Variants in BRF1 observed in about 807,000 individuals in gnomAD.
The protein encoded by BRF1 is transcription factor IIIB 90 kDa subunit.
BRF1 carries 59 observed loss-of-function variants against 81.7 expected under a neutral mutation model. The observed-to-expected ratio is 0.72, with a 90% CI of 0.59 to 0.90. The LOEUF is 0.90. Ranked by LOEUF, BRF1 falls within the 40% of genes least tolerant of loss-of-function variation. The pLI is 0.00. For missense variants in BRF1, 1,050 were observed against 936.3 expected (o/e 1.12, Z -1.58); for synonymous variants, 491 against 395.6 (o/e 1.24, Z -2.86).
chr14:105,277,848 G>A (rs970634691), intron 2 of BRF1, among the ~76,000 whole-genome samples: 4 of 152,088 alleles, frequency 2.6e-5, no homozygotes, highest in African/African-American at 7.2e-5. Flanking sequence ...TCTGCTTCCC[G>A]GGTTCAAGTG....
intron 4 of BRF1, among the ~76,000 whole-genome samples, chr14:105,254,984 C>T (rs1566840751): frequency 6.6e-6 from 1 of 151,744 alleles, no homozygotes; most frequent in Non-Finnish European, 1.5e-5. Context: ...GCACAGCCAG[C>T]TGCCCCCCCC....
intron 5 of BRF1, chr14:105,247,015 G>C (rs1357939680): frequency 8.1e-6 from 8 of 985,316 alleles, no homozygotes; most frequent in Non-Finnish European, 9.6e-6. Flanking sequence ...TGGACATGTA[G>C]GCTGTCTCCA....
rs1218461034 is a variant in BRF1 at position 105,315,080 on chromosome 14, TG to T, written c.-162+241del. The T allele has an allele frequency of 2.8e-6, 3 of 1,087,506 alleles. No individual in the cohort carries two copies. Among genetic ancestry groups the T allele is most frequent in the Admixed American group, 4.9e-5 (1 of 20,568 alleles). 67.4% of individuals were successfully genotyped at this position (1,087,506 alleles called of 1,614,324 possible). A position where few individuals can be genotyped will look rare whatever the true frequency, so the allele number is the denominator to read the frequency against. On this transcript the variant is annotated intron_variant, in intron 1 of 17. Coordinates refer to the BRF1 transcript ENST00000327359. The surrounding 1 kb of genome is among the most constrained non-coding windows in gnomAD (Gnocchi z 4.4). ...CGCTTTGTTCCCGCCGGGCACCTGC[TG>T]GGGGTGTCCTGGCCGCGGCCTCTGC... is the stretch of plus-strand genomic sequence containing the variant.
intron 6 of BRF1, among the ~76,000 whole-genome samples, chr14:105,229,294 C>A (rs2054320761): frequency 1.3e-5 from 2 of 152,226 alleles, no homozygotes; most frequent in Admixed American, 1.3e-4. Flanking sequence ...GAGGCCACAG[C>A]TGGCAGCTGA....
rs587615294 is a variant in BRF1, at chr14:105,310,311, A to T, written c.-162+5011T>A. Among the ~76,000 whole-genome samples the T allele has an allele frequency of 2.2e-4, 33 of 151,206 alleles. No individual in the cohort carries two copies. In the South Asian group the frequency reaches 6.7e-3, roughly 31 times the overall value. On this transcript the variant is annotated intron_variant, in intron 1 of 17. Transcript: ENST00000327359. ...TTTGGGAGGTCGAGGCGGGCGGATC[A>T]TGAGGTCAGGAGATCAAGACCATCC...
chr14:105,229,723 CGCGT>C (rs2054435312), intron 6 of BRF1, among the ~76,000 whole-genome samples: 1 of 70,950 alleles, frequency 1.4e-5, no homozygotes. Flanking sequence ...CACCACTGTC[CGCGT>C]AGTCGCCCAG....
At position 105,309,776 on chromosome 14, in the gene BRF1, CTTTTTTTTTTTT is replaced by C. The variant is rs928875653; in HGVS notation, c.-162+5534_-162+5545del. 3.4e-5 allele frequency among the ~76,000 whole-genome samples: 3 copies of C among 89,212 alleles called. No homozygotes were observed. Among genetic ancestry groups the C allele is most frequent in the Admixed American group, 1.3e-4 (1 of 7,786 alleles). 58.5% of individuals were successfully genotyped at this position (89,212 alleles called of 152,430 possible). On this transcript the variant is annotated intron_variant, in intron 1 of 17. Coordinates refer to the BRF1 transcript ENST00000327359. The surrounding 1 kb of genome is among the most constrained non-coding windows in gnomAD (Gnocchi z 4.0). Reference sequence around the variant, plus strand: ...TTAAGGAGAAGGTGGTGATGTGTGTCTTTTTTTTTTTTTTTTTTTTTTTTTTTTAGACGGAGT... The same window carrying C: ...TTAAGGAGAAGGTGGTGATGTGTGTCTTTTTTTTTTTTTTTTAGACGGAGT...
At chr14:105,306,296 G>T (rs1330307741) in intron 1 of BRF1, among the ~76,000 whole-genome samples, 2 of 151,788 alleles carry the variant, frequency 1.3e-5, no homozygotes, top group Non-Finnish European at 2.9e-5. Flanking sequence ...GGTTTGTTTT[G>T]TTTTGTTTTG....
intron 3 of BRF1, among the ~76,000 whole-genome samples, chr14:105,272,264 T>C (rs957429389): frequency 6.6e-6 from 1 of 151,092 alleles, no homozygotes; most frequent in African/African-American, 2.4e-5. Context: ...CCGCTGAGGG[T>C]CGGCGGCCTC....
At chr14:105,224,352 G>A (rs999023721) in intron 10 of BRF1, among the ~76,000 whole-genome samples, 12 of 152,190 alleles carry the variant, frequency 7.9e-5, no homozygotes, top group Non-Finnish European at 1.3e-4. Context: ...CTGGGTGACA[G>A]AGTGAGCCTG....
intron 1 of BRF1, among the ~76,000 whole-genome samples, chr14:105,297,723 G>A (rs763979002): frequency 6.6e-6 from 1 of 151,934 alleles, no homozygotes; most frequent in Non-Finnish European, 1.5e-5. Context: ...ACGGCCCGGT[G>A]CAGTGGCTCA....
chr14:105,228,656 G>T (rs2054204973), intron 7 of BRF1, among the ~76,000 whole-genome samples, 164 bp downstream of exon 7: 1 of 152,138 alleles, frequency 6.6e-6, no homozygotes, highest in Admixed American at 6.6e-5. Context: ...CAGCCCACCA[G>T]CACGTCCAAG....
intron 3 of BRF1, among the ~76,000 whole-genome samples, chr14:105,266,591 G>C (rs2056428521): frequency 1.3e-5 from 2 of 152,076 alleles, no homozygotes; most frequent in Non-Finnish European, 1.5e-5. Context: ...CTGATAAAGA[G>C]TCCTATACAC....
chr14:105,214,864 G>A (rs1398205378), intron 15 of BRF1, among the ~76,000 whole-genome samples: 1 of 152,122 alleles, frequency 6.6e-6, no homozygotes, highest in East Asian at 1.9e-4. Flanking sequence ...TTTCCAAGTG[G>A]TCCAAATCCC....
chr14:105,278,841 G>A (rs952231147), intron 2 of BRF1, among the ~76,000 whole-genome samples: 2 of 152,030 alleles, frequency 1.3e-5, no homozygotes, highest in Non-Finnish European at 2.9e-5. Flanking sequence ...TCAAGAGATC[G>A]AGACCATCCT....
Position 105,241,410 on chromosome 14 carries a change from C to T in BRF1, c.549G>A (p.Pro183=), listed in dbSNP as rs144658695. 3.8e-3 allele frequency: 6,046 copies of T among 1,611,592 alleles called. 29 individuals carry two copies. The highest frequency in any genetic ancestry group is 5.5e-3 in the South Asian group (501 of 91,092). The part of the protein sequence containing the change: ...ELCINAPAID[P]CLYIPRFAHL... ...GCGCAAAGCGTGGAATATACAGGCA[C>T]GGGTCTGCGGCAGACACAGCACCTC... Residue 183 remains proline (P), a synonymous_variant, in exon 6 of 18, where the codon CCG becomes CCA. Transcript: ENST00000547530.
At chr14:105,290,785 T>C (rs2057478321) in intron 1 of BRF1, among the ~76,000 whole-genome samples, 1 of 151,848 alleles carries the variant, frequency 6.6e-6, no homozygotes, top group Non-Finnish European at 1.5e-5. Context: ...CTGTTTCCTG[T>C]CCCTGTGTTG....
rs1368605129 is a variant in BRF1, at chr14:105,217,617, C to T, written c.1699G>A (p.Ala567Thr). ...GTCCTCCTTCGTGACAGCTTCCTGGCACTGGCGCTATGCTCGGGCTGTGCA... is the reference window on the plus strand; with the variant it reads ...GTCCTCCTTCGTGACAGCTTCCTGGTACTGGCGCTATGCTCGGGCTGTGCA... ...EDAQPEHSAS[A>T]RKLSRRRTPA... Residue 567 changes from alanine (A) to threonine (T), a missense_variant, in exon 15 of 18, where the codon GCC becomes ACC. By Grantham distance (58) the Ala-to-Thr change is moderately conservative. Transcript: ENST00000547530. 16 of 1,613,424 alleles carry T rather than the reference C, an allele frequency of 9.9e-6. No individual in the cohort carries two copies. The highest frequency in any genetic ancestry group is 1.3e-5 in the Non-Finnish European group (15 of 1,180,022).
intron 1 of BRF1, among the ~76,000 whole-genome samples, chr14:105,291,449 G>A (rs980310947): frequency 2.0e-5 from 3 of 152,220 alleles, no homozygotes; most frequent in Admixed American, 6.5e-5. Flanking sequence ...GCCGATGTGG[G>A]TGGGTCACTT....
Sources: allele counts gnomAD v4.1 joint callset (sites outside exome capture counted in the v4.1 genomes callset), GRCh38; gene constraint gnomAD v4.1.1; non-coding constraint Gnocchi (gnomAD v3.1); transcripts MANE v1.5; gene names NCBI Gene and HGNC (gene_info 2026-07-23, HGNC 2026-07-21).